TIAM1: variants seen among roughly 807,000 people sequenced by gnomAD.
TIAM1 encodes TIAM Rac1 associated GEF 1, also known as rho guanine nucleotide exchange factor TIAM1.
A neutral mutation model predicts 163.5 loss-of-function variants in TIAM1; 65 were observed. That is an observed-to-expected ratio of 0.40 (90% confidence interval 0.33 to 0.49). The LOEUF (loss-of-function observed/expected upper bound fraction) is 0.49. Among genes scored for constraint, TIAM1 ranks in the 20% least tolerant of loss-of-function variants. TIAM1 has a pLI of 0.77. For synonymous variants in TIAM1, 833 were observed against 810.1 expected (o/e 1.03, Z -0.48); for missense variants, 1,789 against 2,044.7 (o/e 0.87, Z 2.41).
At chr21:31,362,445 A>AATTATT (rs10634487) in intron 2 of TIAM1, among the ~76,000 whole-genome samples, 37,141 of 142,528 alleles carry the variant, frequency 0.26, 4,906 homozygotes, top group South Asian at 0.36. Flanking sequence ...ATGCAGTGAC[A>AATTATT]ATTATTATTA....
intron 2 of TIAM1, among the ~76,000 whole-genome samples, chr21:31,382,566 C>G (rs536419): frequency 3.9e-5 from 6 of 152,024 alleles, no homozygotes; most frequent in African/African-American, 1.4e-4. Context: ...GAAAGACTGA[C>G]TACCTCCAAT....
intron 2 of TIAM1, among the ~76,000 whole-genome samples, chr21:31,451,758 T>A (rs200571753): frequency 0.04 from 4,504 of 111,480 alleles, 133 homozygotes; most frequent in Non-Finnish European, 0.05. Context: ...TGTGTGTGTG[T>A]GTGAGACACA....
chr21:31,166,840 A>G (rs1191273632), intron 15 of TIAM1, among the ~76,000 whole-genome samples: 3 of 152,178 alleles, frequency 2.0e-5, no homozygotes, highest in African/African-American at 7.2e-5. Flanking sequence ...TGGGAACACA[A>G]TGGCAACAGC....
chr21:31,471,066 C>A (rs950768313), intron 1 of TIAM1, among the ~76,000 whole-genome samples: 1 of 152,238 alleles, frequency 6.6e-6, no homozygotes, highest in African/African-American at 2.4e-5. Flanking sequence ...AGTTCCGGGG[C>A]TGGGGAAAAT....
chr21:31,132,999 GAAGA>G (rs944940876), intron 23 of TIAM1, among the ~76,000 whole-genome samples: 1 of 152,218 alleles, frequency 6.6e-6, no homozygotes, highest in African/African-American at 2.4e-5. Flanking sequence ...TTCGGTTTCA[GAAGA>G]AAGCTGCACT....
At chr21:31,554,840 C>G (rs569162483) in intron 1 of TIAM1, among the ~76,000 whole-genome samples, 1 of 152,294 alleles carries the variant, frequency 6.6e-6, no homozygotes, top group East Asian at 1.9e-4. Context: ...GAAAGAGCTT[C>G]AAGGTCTTCT....
Position 31,439,296 on chromosome 21 carries a change from G to A in TIAM1, c.-369+24687C>T, listed in dbSNP as rs1054078532. ...AGCATTGTATTCTTTGTTTTTGTTC[G>A]TCTGTTTGTTTGAGATGGCATCTTA... On this transcript the variant is annotated intron_variant, in intron 2 of 28. Transcript: ENST00000286827. Among the ~76,000 whole-genome samples, 11 of 152,256 alleles carry A rather than the reference G, an allele frequency of 7.2e-5. 1 individual carries two copies. Among genetic ancestry groups the A allele is most frequent in the Middle Eastern group, 3.4e-3 (1 of 292 alleles).
intron 24 of TIAM1, 107 bp from the exon 25 acceptor site, chr21:31,130,422 G>A (rs879138554): frequency 2.5e-5 from 21 of 834,076 alleles, no homozygotes; most frequent in East Asian, 1.2e-4. Context: ...AACTCTAGGC[G>A]TGCCCAAAGG....
intron 1 of TIAM1, among the ~76,000 whole-genome samples, chr21:31,551,341 G>A (rs918845965): frequency 1.3e-5 from 2 of 151,508 alleles, no homozygotes; most frequent in Admixed American, 1.3e-4. Context: ...CTGGGAGGTG[G>A]AGAGATTGCA....
chr21:31,317,344 C>T (rs910834698), intron 2 of TIAM1, among the ~76,000 whole-genome samples: 12 of 152,110 alleles, frequency 7.9e-5, no homozygotes, highest in South Asian at 2.1e-4. Flanking sequence ...ATCCCAGCTA[C>T]GCGGGAGGCT....
chr21:31,293,297 G>C (rs2074103421), intron 2 of TIAM1, among the ~76,000 whole-genome samples: 1 of 152,148 alleles, frequency 6.6e-6, no homozygotes, highest in African/African-American at 2.4e-5. Context: ...TAAGATCTTT[G>C]ACTGATTGGA....
At chr21:31,267,244 G>A (rs1243638135) in intron 3 of TIAM1, among the ~76,000 whole-genome samples, 2 of 152,176 alleles carry the variant, frequency 1.3e-5, no homozygotes, top group Non-Finnish European at 2.9e-5. Context: ...CAGAGAGTTA[G>A]ACTTGTCTCT....
chr21:31,500,926 T>C (rs1220985696), intron 1 of TIAM1, among the ~76,000 whole-genome samples: 2 of 152,136 alleles, frequency 1.3e-5, no homozygotes, highest in East Asian at 3.9e-4. Flanking sequence ...AGCTACATCC[T>C]CCTCCCCTCT....
chr21:31,524,615 A>G (rs543092312), intron 1 of TIAM1, among the ~76,000 whole-genome samples: 88 of 152,306 alleles, frequency 5.8e-4, no homozygotes, highest in African/African-American at 2.0e-3. Flanking sequence ...GGAAAATCTA[A>G]TGGGAAATCA....
At chr21:31,380,997 C>T (rs568723038) in intron 2 of TIAM1, among the ~76,000 whole-genome samples, 121 of 152,248 alleles carry the variant, frequency 7.9e-4, no homozygotes, top group Non-Finnish European at 1.4e-3. Flanking sequence ...TGAGTGAGTA[C>T]CTGACACAGT....
chr21:31,451,551 T>C (rs1022387937), intron 2 of TIAM1, among the ~76,000 whole-genome samples: 5 of 151,916 alleles, frequency 3.3e-5, no homozygotes, highest in Admixed American at 2.0e-4. Flanking sequence ...GCAAATGCGG[T>C]GGCTTGGGAG....
chr21:31,394,726 T>TCACACA (rs1166298815), intron 2 of TIAM1, among the ~76,000 whole-genome samples: 47 of 81,652 alleles, frequency 5.8e-4, no homozygotes, highest in African/African-American at 1.1e-3. Context: ...TCTCTCTCTC[T>TCACACA]CTCACACACA....
chr21:31,226,083 C>T, intron 6 of TIAM1, 133 bp from the exon 7 acceptor site: 2 of 696,038 alleles, frequency 2.9e-6, no homozygotes, highest in Non-Finnish European at 4.8e-6. Context: ...ATAAGAATAA[C>T]CTGACCTCCT....
At chr21:31,158,419 C>A (rs1382275250) in intron 16 of TIAM1, among the ~76,000 whole-genome samples, 1 of 152,140 alleles carries the variant, frequency 6.6e-6, no homozygotes, top group Non-Finnish European at 1.5e-5. Flanking sequence ...AGTTTCCCCA[C>A]CGGCAACCCT....
Sources: allele counts gnomAD v4.1 joint callset (sites outside exome capture counted in the v4.1 genomes callset), GRCh38; gene constraint gnomAD v4.1.1; transcripts MANE v1.5; gene names NCBI Gene and HGNC (gene_info 2026-07-23, HGNC 2026-07-21).